Variants in MOGAT3 observed in about 807,000 individuals in gnomAD.
MOGAT3 encodes the protein monoacylglycerol O-acyltransferase 3.
A neutral mutation model predicts 34.4 loss-of-function variants in MOGAT3; 39 were observed. The observed-to-expected ratio is 1.13, with a 90% CI of 0.88 to 1.48. The LOEUF (loss-of-function observed/expected upper bound fraction) is 1.48. Ranked by LOEUF, MOGAT3 falls within the 40% of genes most tolerant of loss-of-function variation. MOGAT3 has a pLI of 0.00. For synonymous variants in MOGAT3, 209 were observed against 179.2 expected (o/e 1.17, Z -1.33); for missense variants, 439 against 438.9 (o/e 1.00, Z 0.00).
At position 101,198,210 on chromosome 7, in the gene MOGAT3, G is replaced by T; in HGVS notation, c.649C>A (p.Arg217Ser). 6.2e-7 allele frequency: 1 copy of T among 1,612,628 alleles called. No homozygotes were observed. The highest frequency in any genetic ancestry group is 8.5e-7 in the Non-Finnish European group (1 of 1,179,240). The change falls in exon 5 of 7, where the codon CGC (arginine) becomes AGC (serine). Residue 217 changes from arginine (R) to serine (S), a missense_variant. Arg to Ser is a moderately radical substitution (Grantham distance 110). Coordinates refer to ENST00000223114, the MANE Select transcript of MOGAT3 (RefSeq NM_178176.4). ...LTLQKRKGFV[R>S]LALRHGASLV... The stretch of plus-strand genomic sequence containing the variant: ...ACTCACCCGTGCCTCAGCGCCAGGC[G>T]CACGAAGCCTTTGCGCTTCTGGAGC...
At chr7:101,200,338 C>T (rs752239735) in intron 2 of MOGAT3, 34 bp from the exon 3 acceptor site, 25 of 1,611,980 alleles carry the variant, frequency 1.6e-5, no homozygotes, top group Admixed American at 1.7e-5. Flanking sequence ...GACGAACCCC[C>T]GGAGTCACCT....
At chr7:101,199,281 C>T (rs1797888577) in intron 3 of MOGAT3, among the ~76,000 whole-genome samples, 2 of 152,080 alleles carry the variant, frequency 1.3e-5, no homozygotes, top group Admixed American at 1.3e-4. Context: ...GCTGGGATTA[C>T]AGGCGTAAGC....
At chr7:101,198,056 C>G (rs757263240) in intron 5 of MOGAT3, 135 bp downstream of exon 5, 22 of 916,060 alleles carry the variant, frequency 2.4e-5, no homozygotes, top group Non-Finnish European at 2.9e-5. Flanking sequence ...GGAGAGCCCA[C>G]GTGGGCCTCG....
chr7:101,198,210 G>C lies in MOGAT3; in HGVS notation c.649C>G (p.Arg217Gly), dbSNP rs773338284. 114 of 1,612,510 alleles carry C rather than the reference G, an allele frequency of 7.1e-5. No individual in the cohort carries two copies. The highest frequency in any genetic ancestry group is 9.3e-5 in the Non-Finnish European group (110 of 1,179,248). The change falls in exon 5 of 7, where the codon CGC becomes GGC. Residue 217 changes from arginine to glycine, a missense_variant. Transcript: ENST00000223114. Reference protein sequence around the residue: ...LTLQKRKGFVRLALRHGASLV... With the variant: ...LTLQKRKGFVGLALRHGASLV... ...ACTCACCCGTGCCTCAGCGCCAGGC[G>C]CACGAAGCCTTTGCGCTTCTGGAGC...
chr7:101,199,118 C>T (rs1290696184), intron 3 of MOGAT3, among the ~76,000 whole-genome samples: 2 of 151,530 alleles, frequency 1.3e-5, no homozygotes, highest in African/African-American at 2.4e-5. Flanking sequence ...AGCTATCCTC[C>T]TGCCTCAGCC....
chr7:101,197,075 G>A (rs1797810747), intron 5 of MOGAT3, among the ~76,000 whole-genome samples: 1 of 151,566 alleles, frequency 6.6e-6, no homozygotes, highest in Non-Finnish European at 1.5e-5. Context: ...GAACTCGGGA[G>A]GTGGAGGTTG....
chr7:101,200,195 A>G, intron 3 of MOGAT3, 39 bp downstream of exon 3: 1 of 1,553,424 alleles, frequency 6.4e-7, no homozygotes, highest in Non-Finnish European at 8.9e-7. Flanking sequence ...GGAGATGGGG[A>G]GAGGTAGGAA....
At chr7:101,197,494 C>T (rs962324589) in intron 5 of MOGAT3, among the ~76,000 whole-genome samples, 4 of 152,168 alleles carry the variant, frequency 2.6e-5, no homozygotes, top group African/African-American at 7.2e-5. Flanking sequence ...AGCCGGGACT[C>T]ACATTTCTTG....
rs60472873 is a variant in MOGAT3 at position 101,195,533 on chromosome 7, CTTTTTTTT to C, written c.*405_*412del. On this transcript the variant is annotated 3_prime_UTR_variant, in exon 7 of 7. Coordinates refer to ENST00000223114, the MANE Select transcript of MOGAT3 (RefSeq NM_178176.4). ...CCCAGCCTACTACAGCTTTAACAGTCTTTTTTTTTTTTTTTTTTTTTTTTTTGAGATTG... is the reference window on the plus strand; with the variant it reads ...CCCAGCCTACTACAGCTTTAACAGTCTTTTTTTTTTTTTTTTTTGAGATTG... The C allele has an allele frequency of 1.7e-3, 93 of 53,674 alleles. No individual in the cohort carries two copies. Among genetic ancestry groups the C allele is most frequent in the South Asian group, 7.6e-3 (19 of 2,484 alleles). The allele number at this position is 53,674 out of a possible 1,614,324, so 3.3% of individuals were successfully genotyped here.
chr7:101,200,119 A>C (rs913172653), intron 3 of MOGAT3, 115 bp downstream of exon 3: 2 of 836,234 alleles, frequency 2.4e-6, no homozygotes. Flanking sequence ...TCCCTGTCCC[A>C]CTGCCTGAGC....
At chr7:101,193,575 C>G (rs565487393), downstream of MOGAT3, among the ~76,000 whole-genome samples, 7 of 152,082 alleles carry the variant, frequency 4.6e-5, no homozygotes, top group African/African-American at 1.4e-4. Flanking sequence ...ATTACAGACA[C>G]CTGCCACTAC....
In MOGAT3 at chr7:101,195,035, A is replaced by G. The variant is rs1331277372; in HGVS notation, c.*911T>C. On this transcript the variant is annotated 3_prime_UTR_variant, in exon 7 of 7. Transcript: ENST00000223114. ...GCTAAGCAGATGCCTTTATTTACAG[A>G]CAAAGAAGTAAACAGGCAAAAGGAA... 1 of 152,176 alleles carries G rather than the reference A, an allele frequency of 6.6e-6. No homozygotes were observed. The highest frequency in any genetic ancestry group is 6.6e-5 in the Admixed American group (1 of 15,246). 9.4% of individuals were successfully genotyped at this position (152,176 alleles called of 1,614,324 possible).
chr7:101,198,644 C>A lies in MOGAT3; in HGVS notation c.475G>T (p.Asp159Tyr), dbSNP rs139340331. The change falls in exon 4 of 7, where the codon GAC becomes TAC. Residue 159 changes from aspartate to tyrosine, a missense_variant. Physicochemically the swap from Asp to Tyr is radical, Grantham distance 160. Coordinates refer to ENST00000223114, the MANE Select transcript of MOGAT3 (RefSeq NM_178176.4). ...GGCTCACCAAAGGACATGATGTAGTCGCGATAGACCGGGAGGTAGAAGAGG... is the reference window on the plus strand; with the variant it reads ...GGCTCACCAAAGGACATGATGTAGTAGCGATAGACCGGGAGGTAGAAGAGG... ...AGLFYLPVYR[D>Y]YIMSFGLCPV... 7.6e-5 allele frequency: 122 copies of A among 1,613,202 alleles called. No homozygotes were observed. The African/African-American group carries it at 1.4e-3, about 18-fold the overall frequency.
chr7:101,198,847 A>G lies in MOGAT3; in HGVS notation c.289-17T>C, dbSNP rs1322656965. On this transcript the variant is annotated splice_polypyrimidine_tract_variant and intron_variant, in intron 3 of 6. Transcript: ENST00000223114. ...TTTCACCAGCTTCGGGGTGTTGAGC[A>G]GGATGAAGGGAGGATGGAAGGCAAG... 1.2e-6 allele frequency: 2 copies of G among 1,612,836 alleles called. No individual in the cohort carries two copies. The highest frequency in any genetic ancestry group is 2.2e-5 in the South Asian group (2 of 91,056).
At chr7:101,194,994 T>G (rs1250720291), downstream of MOGAT3, 1 of 152,306 alleles carries the variant, frequency 6.6e-6, no homozygotes, top group African/African-American at 2.4e-5. Flanking sequence ...TCCATCCCAA[T>G]GCCCAACAGC....
downstream of MOGAT3, among the ~76,000 whole-genome samples, chr7:101,194,327 A>G (rs1797733714): frequency 6.6e-6 from 1 of 151,806 alleles, no homozygotes; most frequent in Non-Finnish European, 1.5e-5. Context: ...AGCTGGGTCT[A>G]CAGGAGAGCA....
At chr7:101,199,091 C>T (rs1797884050) in intron 3 of MOGAT3, among the ~76,000 whole-genome samples, 1 of 151,240 alleles carries the variant, frequency 6.6e-6, no homozygotes, top group Non-Finnish European at 1.5e-5. Flanking sequence ...CAACCTCCGC[C>T]TCTTGGTCCC....
rs771925500 is a variant in MOGAT3 at position 101,196,116 on chromosome 7, G to A, written c.872-16C>T. ...GGGCGGCCCACTGCAGGGAGAGGGA[G>A]ACAGGTGGGCGAGGGATCCCTGATG... On this transcript the variant is annotated splice_polypyrimidine_tract_variant and intron_variant, in intron 6 of 6. Transcript: ENST00000223114. The A allele has an allele frequency of 1.3e-5, 20 of 1,598,670 alleles. No homozygotes were observed. The highest frequency in any genetic ancestry group is 1.7e-5 in the Non-Finnish European group (20 of 1,172,262).
At chr7:101,193,575 C>T (rs565487393), downstream of MOGAT3, among the ~76,000 whole-genome samples, 1 of 151,962 alleles carries the variant, frequency 6.6e-6, no homozygotes, top group South Asian at 2.1e-4. Flanking sequence ...ATTACAGACA[C>T]CTGCCACTAC....
Sources: allele counts gnomAD v4.1 joint callset (sites outside exome capture counted in the v4.1 genomes callset), GRCh38; gene constraint gnomAD v4.1.1; transcripts MANE v1.5; gene names NCBI Gene and HGNC (gene_info 2026-07-23, HGNC 2026-07-21).